OR5K1: variants seen among roughly 807,000 people sequenced by gnomAD.
OR5K1 encodes the protein olfactory receptor family 5 subfamily K member 1.
In OR5K1, 7 loss-of-function variants were observed where a neutral mutation model predicts 10.4. That is an observed-to-expected ratio of 0.67 (90% CI 0.38 to 1.26). The LOEUF (loss-of-function observed/expected upper bound fraction) is 1.26, where lower values mean the gene tolerates loss of function less well. Among genes scored for constraint, OR5K1 ranks in the 50% most tolerant of loss-of-function variants. OR5K1 has a pLI of 0.02. For missense variants in OR5K1, 435 were observed against 366.2 expected (o/e 1.19, Z -1.53); for synonymous variants, 135 against 128.5 (o/e 1.05, Z -0.34).
chr3:98,469,528 A>G (rs1195982345), intron 1 of OR5K1, 38 bp from the exon 2 acceptor site: 8 of 1,558,580 alleles, frequency 5.1e-6, no homozygotes, highest in Non-Finnish European at 6.1e-6. Context: ...GTGGCATATT[A>G]TAAATTAGTG....
intron 1 of OR5K1, among the ~76,000 whole-genome samples, chr3:98,464,439 A>G (rs1310695508): frequency 6.6e-6 from 1 of 152,146 alleles, no homozygotes; most frequent in Non-Finnish European, 1.5e-5. Flanking sequence ...AAAACTGTCT[A>G]TCTAGAAATA....
At chr3:98,465,779 C>A (rs1438572294) in intron 1 of OR5K1, among the ~76,000 whole-genome samples, 1 of 151,974 alleles carries the variant, frequency 6.6e-6, no homozygotes, top group African/African-American at 2.4e-5. Context: ...TGTACTGCTT[C>A]CTTCCTAAAA....
Position 98,469,682 on chromosome 3 carries a change from C to T in OR5K1, c.106C>T (p.Leu36=). The change falls in exon 2 of 2, where the codon CTG becomes TTG. Residue 36 remains leucine (L), a synonymous_variant. Transcript: ENST00000642057. ...GTTTGTGGTGTTCTTTGCCATCTAT[C>T]TGATCACCGTGGTGGGGAATATTAG... ...LLFVVFFAIY[L]ITVVGNISLV... The T allele has an allele frequency of 6.2e-7, 1 of 1,613,732 alleles. No homozygotes were observed. The highest frequency in any genetic ancestry group is 1.1e-5 in the South Asian group (1 of 91,070).
rs1344985295 is a variant in OR5K1, at chr3:98,472,611, A to G, written c.*2108A>G. 1 of 151,982 alleles carries G rather than the reference A, an allele frequency of 6.6e-6. No homozygotes were observed. Among genetic ancestry groups the G allele is most frequent in the African/African-American group, 2.4e-5 (1 of 41,408 alleles). 9.4% of individuals were successfully genotyped at this position (151,982 alleles called of 1,614,324 possible). ...ATCATTACAAATGTTTCCCAAATGT[A>G]CTTTTATGGAGTAAAATTGGACTCA... On this transcript the variant is annotated 3_prime_UTR_variant, in exon 2 of 2. Transcript: ENST00000642057.
rs1208835482 is a variant in OR5K1, at chr3:98,469,942, C to T, written c.366C>T (p.Arg122=). The change falls in exon 2 of 2, where the codon CGC becomes CGT. Residue 122 remains arginine, a synonymous_variant. Transcript: ENST00000642057. ...TTCTGGCAGCAATGGCCTATGACCG[C>T]TATGTGGCCATATGCAACCCACTGC... ...CFLLAAMAYD[R]YVAICNPLQY... The T allele has an allele frequency of 7.4e-6, 12 of 1,613,654 alleles. No homozygotes were observed. Among genetic ancestry groups the T allele is most frequent in the East Asian group, 2.2e-5 (1 of 44,886 alleles).
At chr3:98,465,165 G>T (rs1055600447) in intron 1 of OR5K1, among the ~76,000 whole-genome samples, 1 of 152,052 alleles carries the variant, frequency 6.6e-6, no homozygotes, top group Admixed American at 6.5e-5. Context: ...TTGATGTATT[G>T]TCATGCTACT....
intron 1 of OR5K1, among the ~76,000 whole-genome samples, chr3:98,464,892 A>G (rs1377633079): frequency 6.6e-6 from 1 of 152,188 alleles, no homozygotes; most frequent in Non-Finnish European, 1.5e-5. Context: ...CATTTGCTCA[A>G]TGAATCCATT....
Position 98,470,485 on chromosome 3 carries a change from A to C in OR5K1, c.909A>C (p.Lys303Asn). Residue 303 changes from lysine (K) to asparagine (N), a missense_variant, in exon 2 of 2, where the codon AAA becomes AAC. Coordinates refer to ENST00000642057, the MANE Select transcript of OR5K1 (RefSeq NM_001004736.4). Reference protein sequence around the residue: ...RNREVISVLRKILMKK With the variant: ...RNREVISVLRNILMKK ...GGGAAGTAATAAGTGTCTTAAGAAA[A>C]ATTCTGATGAAGAAATAATCTCAAG... 1.3e-6 allele frequency: 2 copies of C among 1,549,196 alleles called. No homozygotes were observed. Among genetic ancestry groups the C allele is most frequent in the South Asian group, 1.1e-5 (1 of 87,058 alleles).
Position 98,470,011 on chromosome 3 carries a change from C to CA in OR5K1, c.436dup (p.Thr146AsnfsTer20). On this transcript the variant is annotated frameshift_variant, in exon 2 of 2. Transcript: ENST00000642057. LOFTEE classifies it high-confidence loss of function. ...CCAAGAAACTCTGCATTCAGATGACCACAGGGGCCTTCATAGCTGGAAACC... is the reference window on the plus strand; with the variant it reads ...CCAAGAAACTCTGCATTCAGATGACCAACAGGGGCCTTCATAGCTGGAAACC... The CA allele has an allele frequency of 6.2e-7, 1 of 1,613,630 alleles. No individual in the cohort carries two copies. Among genetic ancestry groups the CA allele is most frequent in the South Asian group, 1.1e-5 (1 of 91,080 alleles).
intron 1 of OR5K1, among the ~76,000 whole-genome samples, chr3:98,465,260 G>T (rs1029763973): frequency 2.6e-5 from 4 of 151,782 alleles, no homozygotes; most frequent in African/African-American, 9.7e-5. Flanking sequence ...TTTACATAAC[G>T]TATTTCTATC....
rs1159056690 is a variant in OR5K1 at position 98,470,038 on chromosome 3, G to C, written c.462G>C (p.Leu154=). The change falls in exon 2 of 2, where the codon CTG becomes CTC. Residue 154 remains leucine, a synonymous_variant. Transcript: ENST00000642057. ...CAGGGGCCTTCATAGCTGGAAACCTGCATTCCATGATTCATGTAGGGCTTG... is the reference window on the plus strand; with the variant it reads ...CAGGGGCCTTCATAGCTGGAAACCTCCATTCCATGATTCATGTAGGGCTTG... ...MTTGAFIAGN[L]HSMIHVGLVF... The C allele has an allele frequency of 7.4e-6, 12 of 1,613,616 alleles. No homozygotes were observed. Among genetic ancestry groups the C allele is most frequent in the Non-Finnish European group, 1.0e-5 (12 of 1,179,738 alleles).
chr3:98,466,743 G>T (rs1576236919), intron 1 of OR5K1, among the ~76,000 whole-genome samples: 1 of 130,816 alleles, frequency 7.6e-6, no homozygotes, highest in African/African-American at 3.5e-5. Context: ...TTTTGATGGG[G>T]TTGTTTGTTT....
At position 98,467,864 on chromosome 3, in the gene OR5K1, C is replaced by T. The variant is rs1396784917; in HGVS notation, c.-11-1702C>T. ...TCTGCAAACAGGGACAATTTGACTTCCTCTTTTCCTAATTGAATACCCTTT... is the reference window on the plus strand; with the variant it reads ...TCTGCAAACAGGGACAATTTGACTTTCTCTTTTCCTAATTGAATACCCTTT... On this transcript the variant is annotated intron_variant, in intron 1 of 1. Coordinates refer to ENST00000642057, the MANE Select transcript of OR5K1 (RefSeq NM_001004736.4). Among the ~76,000 whole-genome samples, 9 of 144,538 alleles carry T rather than the reference C, an allele frequency of 6.2e-5. No homozygotes were observed. The South Asian group carries it at 2.1e-3, about 33-fold the overall frequency. The allele number at this position is 144,538 out of a possible 152,430, so 94.8% of individuals were successfully genotyped here. A position where few individuals can be genotyped will look rare whatever the true frequency, so the allele number is the denominator to read the frequency against.
At position 98,470,103 on chromosome 3, in the gene OR5K1, A is replaced by C; in HGVS notation, c.527A>C (p.His176Pro). 1 of 1,613,470 alleles carries C rather than the reference A, an allele frequency of 6.2e-7. No individual in the cohort carries two copies. Residue 176 changes from histidine (H) to proline (P), a missense_variant, in exon 2 of 2, where the codon CAC (histidine) becomes CCC (proline). His to Pro is a moderately conservative substitution (Grantham distance 77, BLOSUM62 -2). Transcript: ENST00000642057. Reference protein sequence around the residue: ...LVFCGSNHINHFYCDILPLYR... With the variant: ...LVFCGSNHINPFYCDILPLYR... ...TTCTGTGGATCGAATCACATCAACC[A>C]CTTTTACTGTGATATTCTTCCCTTG...
chr3:98,464,080 C>T (rs1362519512), intron 1 of OR5K1, among the ~76,000 whole-genome samples: 1 of 151,854 alleles, frequency 6.6e-6, no homozygotes, highest in African/African-American at 2.4e-5. Context: ...CATGGTGAAA[C>T]CCCACCTCTG....
rs973716726 is a variant in OR5K1 at position 98,470,652 on chromosome 3, G to A, written c.*149G>A. On this transcript the variant is annotated 3_prime_UTR_variant, in exon 2 of 2. Transcript: ENST00000642057. ...AATACATTCAAATTAAGTGGCAAGA[G>A]GTAAGGGTAGAATATACAAAAAAGA... 5 of 514,938 alleles carry A rather than the reference G, an allele frequency of 9.7e-6. No individual in the cohort carries two copies. Among genetic ancestry groups the A allele is most frequent in the African/African-American group, 7.8e-5 (4 of 51,352 alleles). The allele number at this position is 514,938 out of a possible 1,614,324, so 31.9% of individuals were successfully genotyped here.
intron 1 of OR5K1, among the ~76,000 whole-genome samples, chr3:98,464,066 C>A (rs1341194758): frequency 6.6e-6 from 1 of 151,822 alleles, no homozygotes; most frequent in Non-Finnish European, 1.5e-5. Flanking sequence ...ACCAGCCTAG[C>A]CAACATGGTG....
In OR5K1 at chr3:98,472,854, G is replaced by A. The variant is rs545000508; in HGVS notation, c.*2351G>A. On this transcript the variant is annotated 3_prime_UTR_variant, in exon 2 of 2. Transcript: ENST00000642057. ...GCTTTATCTGAGAATTACTGGTTAT[G>A]GGAGAAAAATATCTGATAAAATGAA... 2.0e-4 allele frequency: 30 copies of A among 151,840 alleles called. No homozygotes were observed. Among genetic ancestry groups the A allele is most frequent in the Non-Finnish European group, 3.2e-4 (22 of 67,882 alleles). 9.4% of individuals were successfully genotyped at this position (151,840 alleles called of 1,614,324 possible).
Position 98,470,184 on chromosome 3 carries a change from C to T in OR5K1, c.608C>T (p.Ser203Leu). ...YINELVLFIF[S>L]GSVQVFTIGS... ...AATGAACTGGTTCTATTCATCTTCT[C>T]AGGTTCAGTTCAAGTCTTTACCATA... Residue 203 changes from serine to leucine, a missense_variant, in exon 2 of 2, where the codon TCA becomes TTA. Transcript: ENST00000642057. The T allele has an allele frequency of 6.2e-7, 1 of 1,613,292 alleles. No individual in the cohort carries two copies. Among genetic ancestry groups the T allele is most frequent in the East Asian group, 2.2e-5 (1 of 44,862 alleles).
Sources: allele counts gnomAD v4.1 joint callset (sites outside exome capture counted in the v4.1 genomes callset), GRCh38; gene constraint gnomAD v4.1.1; transcripts MANE v1.5; gene names NCBI Gene and HGNC (gene_info 2026-07-23, HGNC 2026-07-21).